The following PSME4 variants were observed in gnomAD, a reference collection of about 807,000 sequenced individuals.
PSME4 encodes proteasome activator subunit 4, also known as proteasome activator complex subunit 4.
In PSME4, 89 loss-of-function variants were observed where a neutral mutation model predicts 253.9. The ratio of observed to expected loss-of-function variants is 0.35; its 90% confidence interval spans 0.30 to 0.42. The LOEUF is 0.42. Ranked by LOEUF, PSME4 falls within the 10% of genes least tolerant of loss-of-function variation. The pLI is 1.00. For synonymous variants in PSME4, 851 were observed against 759.2 expected (o/e 1.12, Z -1.99); for missense variants, 2,014 against 2,195.2 (o/e 0.92, Z 1.65).
At chr2:53,883,491 T>C (rs374540872) in intron 41 of PSME4, among the ~76,000 whole-genome samples, 1 of 151,882 alleles carries the variant, frequency 6.6e-6, no homozygotes, top group Non-Finnish European at 1.5e-5. Flanking sequence ...AAAAAAGCGG[T>C]GGGGGGGTGC....
At chr2:53,875,183 C>T (rs1303878481) in intron 42 of PSME4, among the ~76,000 whole-genome samples, 15 of 152,136 alleles carry the variant, frequency 9.9e-5, no homozygotes, top group Non-Finnish European at 1.9e-4. Flanking sequence ...TATGGGAAGA[C>T]GTCCACTTCT....
chr2:53,922,957 T>C (rs1668391786), intron 16 of PSME4, 92 bp downstream of exon 16: 1 of 1,040,690 alleles, frequency 9.6e-7, no homozygotes, highest in African/African-American at 1.7e-5. Context: ...ATTGTGAAGC[T>C]AAAGGAATCT....
intron 12 of PSME4, 147 bp downstream of exon 12, chr2:53,927,247 T>C: frequency 1.7e-6 from 1 of 603,510 alleles, no homozygotes; most frequent in Non-Finnish European, 2.9e-6. Context: ...CTCTTGCCAA[T>C]GATGTCCTGG....
intron 1 of PSME4, among the ~76,000 whole-genome samples, chr2:53,953,558 T>A: frequency 6.8e-6 from 1 of 147,720 alleles, no homozygotes; most frequent in East Asian, 2.0e-4. Flanking sequence ...ATTCTTGGGA[T>A]CCAAAAATCC....
Position 53,890,228 on chromosome 2 carries a change from T to A in PSME4, c.4192-20A>T. The A allele has an allele frequency of 6.6e-7, 1 of 1,526,674 alleles. No homozygotes were observed. The highest frequency in any genetic ancestry group is 1.8e-5 in the Admixed American group (1 of 55,576). 94.6% of individuals were successfully genotyped at this position (1,526,674 alleles called of 1,614,324 possible). A position where few individuals can be genotyped will look rare whatever the true frequency, so the allele number is the denominator to read the frequency against. Reference sequence around the variant, plus strand: ...CTCCACCTACTCAAAACAAAATATATGGGTAAGAGTTAATGACACTCAGAA... The same window carrying A: ...CTCCACCTACTCAAAACAAAATATAAGGGTAAGAGTTAATGACACTCAGAA... On this transcript the variant is annotated intron_variant, in intron 36 of 46. Coordinates refer to ENST00000404125, the MANE Select transcript of PSME4 (RefSeq NM_014614.3).
At chr2:53,896,414 A>G (rs1276405088) in intron 32 of PSME4, among the ~76,000 whole-genome samples, 1 of 152,220 alleles carries the variant, frequency 6.6e-6, no homozygotes, top group East Asian at 1.9e-4. Context: ...ATTGGAGACC[A>G]GAAAAAAATG....
At chr2:53,899,847 T>G in intron 29 of PSME4, 34 bp downstream of exon 29, 3 of 1,606,140 alleles carry the variant, frequency 1.9e-6, no homozygotes, top group Non-Finnish European at 2.5e-6. Context: ...CTATCTATAA[T>G]GTCATCTATT....
chr2:53,928,343 G>A (rs375084117), intron 10 of PSME4, 40 bp from the exon 11 acceptor site: 4 of 1,494,404 alleles, frequency 2.7e-6, no homozygotes, highest in Admixed American at 1.7e-5. Context: ...CTCCATCACA[G>A]ATATGCATAA....
intron 1 of PSME4, among the ~76,000 whole-genome samples, chr2:53,951,745 A>G (rs539800732): frequency 6.6e-6 from 1 of 152,354 alleles, no homozygotes; most frequent in African/African-American, 2.4e-5. Flanking sequence ...GAGATGCTCA[A>G]TCGGTAAGAA....
intron 11 of PSME4, among the ~76,000 whole-genome samples, chr2:53,927,857 G>C (rs965489821): frequency 6.6e-6 from 1 of 152,152 alleles, no homozygotes; most frequent in Non-Finnish European, 1.5e-5. Context: ...TGAGGCAGGA[G>C]AATTGCTGGA....
At position 53,888,831 on chromosome 2, in the gene PSME4, G is replaced by A. The variant is rs749048784; in HGVS notation, c.4297-19C>T. 6 of 1,556,336 alleles carry A rather than the reference G, an allele frequency of 3.9e-6. No homozygotes were observed. The highest frequency in any genetic ancestry group is 1.7e-5 in the Admixed American group (1 of 59,792). On this transcript the variant is annotated intron_variant, in intron 37 of 46. Transcript: ENST00000404125. ...TGCTTTCCTGTGTTTAAAATATGAT[G>A]TAACAGTTCAACAGAGAACCTACAA... is the stretch of plus-strand genomic sequence containing the variant.
chr2:53,951,725 T>C (rs1167491300), intron 1 of PSME4, among the ~76,000 whole-genome samples: 1 of 152,196 alleles, frequency 6.6e-6, no homozygotes, highest in African/African-American at 2.4e-5. Flanking sequence ...AATTTCTAAT[T>C]TTTGGATTTG....
chr2:53,919,222 A>G lies in PSME4; in HGVS notation c.2445T>C (p.Thr815=). Residue 815 remains threonine (T), a synonymous_variant, in exon 20 of 47, where the codon ACT becomes ACC. Coordinates refer to ENST00000404125, the MANE Select transcript of PSME4 (RefSeq NM_014614.3). ...MSRDDILQSL[T]IVHNCLIGSG... is the part of the protein sequence containing the mutation. The stretch of plus-strand genomic sequence containing the variant: ...AGCCAATTAAACAGTTGTGCACTAT[A>G]GTCAGACTCTGTAGAATATCATCTC... The G allele has an allele frequency of 5.0e-6, 8 of 1,604,218 alleles. No individual in the cohort carries two copies. Among genetic ancestry groups the G allele is most frequent in the Non-Finnish European group, 6.8e-6 (8 of 1,176,964 alleles).
chr2:53,875,807 A>G (rs1402583287), intron 41 of PSME4, 52 bp from the exon 42 acceptor site: 2 of 1,535,258 alleles, frequency 1.3e-6, no homozygotes, highest in South Asian at 2.4e-5. Context: ...GCCAATAAGT[A>G]CAAAGGCATC....
intron 14 of PSME4, among the ~76,000 whole-genome samples, chr2:53,923,971 C>T (rs1041498947): frequency 3.6e-5 from 5 of 139,468 alleles, no homozygotes; most frequent in South Asian, 4.5e-4. Context: ...TCACTTGCCA[C>T]AGAAACCCTA....
intron 1 of PSME4, among the ~76,000 whole-genome samples, chr2:53,958,396 A>G (rs1445734286): frequency 6.6e-6 from 1 of 151,994 alleles, no homozygotes; most frequent in Non-Finnish European, 1.5e-5. Context: ...CTTGTCATAA[A>G]CTAAGCCACA....
chr2:53,867,243 G>A (rs1351153845), intron 44 of PSME4, among the ~76,000 whole-genome samples: 1 of 152,138 alleles, frequency 6.6e-6, no homozygotes, highest in African/African-American at 2.4e-5. Flanking sequence ...GGTGGTTCAT[G>A]CCTATAATCC....
intron 3 of PSME4, among the ~76,000 whole-genome samples, chr2:53,945,169 A>G (rs966453386): frequency 2.6e-5 from 4 of 152,200 alleles, no homozygotes; most frequent in African/African-American, 9.6e-5. Flanking sequence ...ACCTATGCAT[A>G]ATTCTCCCAT....
chr2:53,900,560 G>A (rs1459424560), intron 28 of PSME4, among the ~76,000 whole-genome samples: 1 of 152,040 alleles, frequency 6.6e-6, no homozygotes, highest in African/African-American at 2.4e-5. Flanking sequence ...AAAGGAAAAT[G>A]TTCTGGAATT....
Sources: gnomAD v4.1 joint callset for allele counts (sites outside exome capture counted in the v4.1 genomes callset) on GRCh38, gnomAD v4.1.1 for gene constraint, MANE v1.5 for transcripts, NCBI Gene and HGNC (gene_info 2026-07-23, HGNC 2026-07-21) for gene names.